The following PRICKLE2 variants were observed in gnomAD, a reference collection of about 807,000 sequenced individuals.
The protein encoded by PRICKLE2 is prickle planar cell polarity protein 2.
PRICKLE2 carries 21 observed loss-of-function variants against 81.4 expected under a neutral mutation model. That is an observed-to-expected ratio of 0.26 (90% CI 0.18 to 0.37). The LOEUF is 0.37. PRICKLE2 is among the 10% of genes least tolerant of loss of function. PRICKLE2 has a pLI of 1.00. For synonymous variants in PRICKLE2, 456 were observed against 421.5 expected, an observed-to-expected ratio of 1.08 and a Z score of -1.00; for missense variants, 940 against 1,109.0, an observed-to-expected ratio of 0.85 and a Z score of 2.16.
chr3:64,263,435 T>C (rs2079645537), intron 2 of PRICKLE2, among the ~76,000 whole-genome samples: 1 of 152,108 alleles, frequency 6.6e-6, no homozygotes, highest in African/African-American at 2.4e-5. Flanking sequence ...AGAAATCAGG[T>C]CAGGCCAAGG....
intron 7 of PRICKLE2, chr3:64,141,707 G>T (rs954340072): frequency 1.2e-5 from 8 of 668,884 alleles, no homozygotes; most frequent in African/African-American, 1.2e-4. Context: ...AGAGGCCAAA[G>T]CCCAGATCTG....
intron 7 of PRICKLE2, among the ~76,000 whole-genome samples, chr3:64,133,207 G>C (rs2077222927): frequency 6.6e-6 from 1 of 152,138 alleles, no homozygotes; most frequent in Admixed American, 6.5e-5. Flanking sequence ...TGCTTCTTAG[G>C]TAGTCCTAAC....
At chr3:64,170,897 C>T (rs1373961398) in intron 2 of PRICKLE2, among the ~76,000 whole-genome samples, 2 of 151,838 alleles carry the variant, frequency 1.3e-5, no homozygotes, top group Admixed American at 6.6e-5. Context: ...CAAAACAATA[C>T]AAAACAAAAA....
chr3:64,255,917 T>C (rs150678528), intron 2 of PRICKLE2, among the ~76,000 whole-genome samples: 12 of 152,240 alleles, frequency 7.9e-5, no homozygotes, highest in African/African-American at 2.6e-4. Flanking sequence ...AATGCAGACA[T>C]GGTGGCAGCA....
chr3:64,144,147 A>G (rs1290883106), intron 7 of PRICKLE2, among the ~76,000 whole-genome samples: 4 of 152,160 alleles, frequency 2.6e-5, no homozygotes, highest in African/African-American at 9.7e-5. Flanking sequence ...AAAAATCCAC[A>G]TTTTTAACTT....
intron 7 of PRICKLE2, among the ~76,000 whole-genome samples, chr3:64,120,711 T>C (rs1216466662): frequency 6.6e-6 from 1 of 152,194 alleles, no homozygotes; most frequent in Non-Finnish European, 1.5e-5. Context: ...AAAGAAAGCC[T>C]AGCTCCCCTT....
chr3:64,224,814 C>A (rs962024501), intron 1 of PRICKLE2, 96 bp downstream of exon 1: 1 of 698,012 alleles, frequency 1.4e-6, no homozygotes, highest in African/African-American at 1.9e-5. Flanking sequence ...ACCCAATATC[C>A]TCCCCCAGTG....
At chr3:64,143,628 C>T (rs1292013969) in intron 7 of PRICKLE2, among the ~76,000 whole-genome samples, 1 of 152,156 alleles carries the variant, frequency 6.6e-6, no homozygotes, top group African/African-American at 2.4e-5. Flanking sequence ...GACAATGGTG[C>T]ACATCAGCCT....
intron 4 of PRICKLE2, 37 bp downstream of exon 4, chr3:64,159,903 G>C: frequency 1.2e-6 from 2 of 1,613,230 alleles, no homozygotes; most frequent in Non-Finnish European, 1.7e-6. Flanking sequence ...AAAGATGCCA[G>C]AACAATGCCT....
Position 64,230,844 on chromosome 3 carries a change from T to C in PRICKLE2, c.129-31877A>G, listed in dbSNP as rs574783703. Among the ~76,000 whole-genome samples the C allele has an allele frequency of 1.6e-4, 25 of 152,334 alleles. No homozygotes were observed. In the East Asian group the frequency reaches 4.2e-3, roughly 26 times the overall value. On this transcript the variant is annotated intron_variant, in intron 2 of 8. Transcript: ENST00000295902. ...ACTGTGTAGAGTACCTAGCATATAG[T>C]AGGTGTTAAATCAATATTATTCTCC...
At chr3:64,157,062 C>A (rs1012746205) in intron 5 of PRICKLE2, 100 bp downstream of exon 5, 2 of 1,103,204 alleles carry the variant, frequency 1.8e-6, no homozygotes, top group Non-Finnish European at 2.8e-6. Context: ...AATGAAGTTG[C>A]CTATGGCTTT....
upstream of PRICKLE2, among the ~76,000 whole-genome samples, chr3:64,227,979 A>T (rs1418434707): frequency 6.6e-6 from 1 of 152,188 alleles, no homozygotes; most frequent in Admixed American, 6.5e-5. Flanking sequence ...CTGATATGCC[A>T]TTTTCCATAT....
intron 2 of PRICKLE2, among the ~76,000 whole-genome samples, chr3:64,255,309 T>C (rs41325347): frequency 0.084 from 12,743 of 152,262 alleles, 658 homozygotes; most frequent in African/African-American, 0.15. Flanking sequence ...AAGATTTGCA[T>C]TTATGTTTAG....
At chr3:64,130,878 C>T (rs1412500378) in intron 7 of PRICKLE2, among the ~76,000 whole-genome samples, 1 of 152,120 alleles carries the variant, frequency 6.6e-6, no homozygotes, top group Non-Finnish European at 1.5e-5. Flanking sequence ...ACAACCAGTG[C>T]CTGGGTATTT....
intron 1 of PRICKLE2, among the ~76,000 whole-genome samples, chr3:64,205,126 G>T (rs62251779): frequency 0.14 from 20,699 of 149,178 alleles, 1,477 homozygotes; most frequent in East Asian, 0.22. Flanking sequence ...ACATACAAAG[G>T]GTGCATTGGC....
chr3:64,258,845 A>AGG (rs1553663503), intron 2 of PRICKLE2, among the ~76,000 whole-genome samples: 1 of 34,000 alleles, frequency 2.9e-5, no homozygotes, highest in African/African-American at 1.3e-4. Context: ...AAAAAAAAAA[A>AGG]AAAGAAAGAA....
At chr3:64,135,692 G>T (rs1287249291) in intron 7 of PRICKLE2, among the ~76,000 whole-genome samples, 2 of 57,130 alleles carry the variant, frequency 3.5e-5, no homozygotes, top group Admixed American at 5.1e-4. Context: ...AACGATCACA[G>T]ATCACACACA....
intron 2 of PRICKLE2, among the ~76,000 whole-genome samples, chr3:64,177,027 C>G (rs1463695270): frequency 6.6e-6 from 1 of 150,856 alleles, no homozygotes; most frequent in African/African-American, 2.4e-5. Context: ...GACACAATAT[C>G]TCAAACACCA....
At chr3:64,133,132 C>T (rs2077221208) in intron 7 of PRICKLE2, among the ~76,000 whole-genome samples, 1 of 152,120 alleles carries the variant, frequency 6.6e-6, no homozygotes, top group Non-Finnish European at 1.5e-5. Flanking sequence ...ATCCAGATTC[C>T]CCTACCCTAA....
Sources: gnomAD v4.1 joint callset for allele counts (sites outside exome capture counted in the v4.1 genomes callset) on GRCh38, gnomAD v4.1.1 for gene constraint, MANE v1.5 for transcripts, NCBI Gene and HGNC (gene_info 2026-07-23, HGNC 2026-07-21) for gene names.